ZMAT4: variants seen among roughly 807,000 people sequenced by gnomAD.
ZMAT4 encodes zinc finger matrin-type 4.
A neutral mutation model predicts 28.7 loss-of-function variants in ZMAT4; 17 were observed. That is an observed-to-expected ratio of 0.59 (90% confidence interval 0.41 to 0.89). The LOEUF (loss-of-function observed/expected upper bound fraction) is 0.89, where lower values mean the gene tolerates loss of function less well. ZMAT4 is among the 40% of genes least tolerant of loss of function. The probability of loss-of-function intolerance (pLI) is 0.00; values close to 1 mark genes in which losing one functional copy is unlikely to be tolerated. For synonymous variants in ZMAT4, 117 were observed against 109.2 expected (o/e 1.07, Z -0.44); for missense variants, 240 against 283.8 (o/e 0.85, Z 1.11).
At chr8:40,712,615 C>T (rs933941843) in intron 3 of ZMAT4, among the ~76,000 whole-genome samples, 1 of 152,166 alleles carries the variant, frequency 6.6e-6, no homozygotes, top group African/African-American at 2.4e-5. Context: ...AATGCAGCTC[C>T]CCACCTTACC....
chr8:40,581,408 C>T, intron 5 of ZMAT4, 147 bp from the exon 6 acceptor site: 1 of 570,278 alleles, frequency 1.8e-6, no homozygotes, highest in Admixed American at 2.8e-5. Flanking sequence ...TTGCAGAGCA[C>T]AGCCAACAGG....
intron 5 of ZMAT4, among the ~76,000 whole-genome samples, chr8:40,634,820 C>T (rs981030107): frequency 2.0e-5 from 3 of 152,142 alleles, no homozygotes; most frequent in African/African-American, 7.2e-5. Flanking sequence ...AGAATGGAGC[C>T]ATCCATACAG....
chr8:40,789,906 T>A, intron 2 of ZMAT4, among the ~76,000 whole-genome samples: 1 of 152,274 alleles, frequency 6.6e-6, no homozygotes, highest in Non-Finnish European at 1.5e-5. Flanking sequence ...GCTTTTCTCA[T>A]ATTGCTCCCA....
At chr8:40,564,496 T>G (rs1803850751) in intron 6 of ZMAT4, among the ~76,000 whole-genome samples, 1 of 152,222 alleles carries the variant, frequency 6.6e-6, no homozygotes, top group Admixed American at 6.5e-5. Context: ...CACATCTCAC[T>G]GTGCAATTAT....
chr8:40,669,291 C>A (rs537342541), intron 5 of ZMAT4, among the ~76,000 whole-genome samples: 3 of 152,228 alleles, frequency 2.0e-5, no homozygotes, highest in South Asian at 4.2e-4. Flanking sequence ...TTTTTGACTT[C>A]TTTTATGACA....
intron 5 of ZMAT4, among the ~76,000 whole-genome samples, chr8:40,641,594 A>C (rs722104): frequency 0.56 from 85,860 of 152,056 alleles, 24,921 homozygotes; most frequent in East Asian, 0.69. Flanking sequence ...GCATTTGGAG[A>C]TAAATGTACA....
At chr8:40,820,810 GGTGT>G (rs1815763946) in intron 2 of ZMAT4, among the ~76,000 whole-genome samples, 1 of 1,308 alleles carries the variant, frequency 7.6e-4, no homozygotes, top group South Asian at 0.031. Context: ...TATATGTGTG[GGTGT>G]GTGTATGTGT....
chr8:40,553,727 A>C (rs955002573), intron 6 of ZMAT4, among the ~76,000 whole-genome samples: 3 of 152,190 alleles, frequency 2.0e-5, no homozygotes, highest in African/African-American at 7.2e-5. Flanking sequence ...TATGGATGGC[A>C]TGAGAATTCA....
chr8:40,672,379 CT>C (rs1808712911), intron 5 of ZMAT4, among the ~76,000 whole-genome samples: 1 of 152,054 alleles, frequency 6.6e-6, no homozygotes, highest in South Asian at 2.1e-4. Flanking sequence ...TATTCTTAAG[CT>C]TTTGCAATAT....
chr8:40,834,312 C>T (rs1816398986), intron 1 of ZMAT4, among the ~76,000 whole-genome samples: 1 of 152,106 alleles, frequency 6.6e-6, no homozygotes, highest in South Asian at 2.1e-4. Context: ...CACCTCTCCC[C>T]TCTCTGATCC....
At chr8:40,819,403 T>C (rs1407611249) in intron 2 of ZMAT4, among the ~76,000 whole-genome samples, 1 of 152,164 alleles carries the variant, frequency 6.6e-6, no homozygotes, top group Non-Finnish European at 1.5e-5. Flanking sequence ...TCATCCCTTC[T>C]TCTGGTGCAG....
chr8:40,817,579 C>T (rs956787086), intron 2 of ZMAT4, among the ~76,000 whole-genome samples: 5 of 152,190 alleles, frequency 3.3e-5, no homozygotes, highest in Admixed American at 2.6e-4. Context: ...TGTCTTCATT[C>T]TTCTTTTTTC....
intron 3 of ZMAT4, among the ~76,000 whole-genome samples, chr8:40,714,060 T>C (rs1424730157): frequency 2.0e-5 from 3 of 152,156 alleles, no homozygotes; most frequent in Admixed American, 6.5e-5. Flanking sequence ...AGTTACCATT[T>C]TTTACTCATA....
rs559512560 is a variant in ZMAT4 at position 40,827,013 on chromosome 8, T to A, written c.-4-1333A>T. 8.5e-5 allele frequency among the ~76,000 whole-genome samples: 13 copies of A among 152,322 alleles called. No homozygotes were observed. In the South Asian group the frequency reaches 2.7e-3, roughly 32 times the overall value. On this transcript the variant is annotated intron_variant, in intron 1 of 6. Transcript: ENST00000297737. ...AAAAGAATCTCAGACAACAGCAATA[T>A]GGTAGGCACTTTGGACTTTATCTTA...
At chr8:40,769,791 T>TA (rs1813315075) in intron 2 of ZMAT4, among the ~76,000 whole-genome samples, 1 of 151,946 alleles carries the variant, frequency 6.6e-6, no homozygotes, top group African/African-American at 2.4e-5. Context: ...TGGCTGTTTT[T>TA]TTTTTTTCCT....
chr8:40,636,644 G>A (rs756521006), intron 5 of ZMAT4, among the ~76,000 whole-genome samples: 2 of 152,194 alleles, frequency 1.3e-5, no homozygotes, highest in Non-Finnish European at 2.9e-5. Context: ...CACTGACAGA[G>A]CCTAGGAGAG....
At chr8:40,881,538 GAAAGAA>G (rs1358872772) in intron 1 of ZMAT4, among the ~76,000 whole-genome samples, 1,408 of 70,356 alleles carry the variant, frequency 0.02, 68 homozygotes, top group Middle Eastern at 0.039. Context: ...CAGAAAGAAA[GAAAGAA>G]AGAAAGAAAG....
chr8:40,581,168 G>T lies in ZMAT4; in HGVS notation c.671C>A (p.Thr224Asn). 6.2e-7 allele frequency: 1 copy of T among 1,612,340 alleles called. No individual in the cohort carries two copies. The highest frequency in any genetic ancestry group is 1.1e-5 in the South Asian group (1 of 90,918). The change falls in exon 6 of 7, where the codon ACC becomes AAC. Residue 224 changes from threonine to asparagine, a missense_variant. Transcript: ENST00000297737. ...HAHLKGSKHQ[T>N]NLKNK is the part of the protein sequence containing the mutation. ...GTGAAAGCACAAAAGTACCTACTTG[G>T]TCTGGTGTTTAGATCCTTTCAGATG...
chr8:40,844,910 T>C (rs1323044471), intron 1 of ZMAT4, among the ~76,000 whole-genome samples: 1 of 152,152 alleles, frequency 6.6e-6, no homozygotes, highest in Non-Finnish European at 1.5e-5. Context: ...GGGTAAGAAC[T>C]CAGGCACCTA....
Sources: allele counts gnomAD v4.1 joint callset (sites outside exome capture counted in the v4.1 genomes callset), GRCh38; gene constraint gnomAD v4.1.1; transcripts MANE v1.5; gene names NCBI Gene and HGNC (gene_info 2026-07-23, HGNC 2026-07-21).